Variants in KCNH1 observed in about 807,000 individuals in gnomAD.
KCNH1 encodes voltage-gated delayed rectifier potassium channel KCNH1.
A neutral mutation model predicts 69.2 loss-of-function variants in KCNH1; 27 were observed. The ratio of observed to expected loss-of-function variants is 0.39; its 90% confidence interval spans 0.29 to 0.54. KCNH1 has a LOEUF of 0.54. Ranked by LOEUF, KCNH1 falls within the 20% of genes least tolerant of loss-of-function variation. The probability of loss-of-function intolerance (pLI) is 0.68; values close to 1 mark genes in which losing one functional copy is unlikely to be tolerated. For missense variants in KCNH1, 798 were observed against 1,261.6 expected, an observed-to-expected ratio of 0.63 and a Z score of 5.57; for synonymous variants, 456 against 487.7, an observed-to-expected ratio of 0.93 and a Z score of 0.86.
Position 211,113,965 on chromosome 1 carries a change from C to A in KCNH1, c.80-6588G>T, listed in dbSNP as rs11579201. Among the ~76,000 whole-genome samples, 665 of 133,228 alleles carry A rather than the reference C, an allele frequency of 5.0e-3. 11 individuals carry two copies. The highest frequency in any genetic ancestry group is 0.016 in the African/African-American group (642 of 38,930). The allele number at this position is 133,228 out of a possible 152,430, so 87.4% of individuals were successfully genotyped here. On this transcript the variant is annotated intron_variant, in intron 1 of 10. Coordinates refer to ENST00000271751, the MANE Select transcript of KCNH1 (RefSeq NM_172362.3). ...TCTCTCTCTCTCTGTCTCTCTCTCT[C>A]TCTCTCTCTCACACACACACACACA...
intron 5 of KCNH1, among the ~76,000 whole-genome samples, chr1:211,058,954 G>A (rs1218914315): frequency 2.0e-5 from 3 of 152,120 alleles, no homozygotes; most frequent in African/African-American, 7.2e-5. Flanking sequence ...ACTTATATCG[G>A]ACTAAATAGA....
chr1:210,714,982 C>A (rs144710326), intron 10 of KCNH1, among the ~76,000 whole-genome samples: 2 of 152,312 alleles, frequency 1.3e-5, no homozygotes, highest in African/African-American at 4.8e-5. Flanking sequence ...CTGACCGGCA[C>A]AGACTACCCA....
chr1:210,836,124 A>T (rs909182683), intron 7 of KCNH1, among the ~76,000 whole-genome samples: 1 of 151,520 alleles, frequency 6.6e-6, no homozygotes, highest in Non-Finnish European at 1.5e-5. Flanking sequence ...AAAAAAAAAA[A>T]AAAAAAAAAT....
intron 5 of KCNH1, among the ~76,000 whole-genome samples, chr1:211,069,431 G>T (rs965719173): frequency 8.5e-5 from 13 of 152,130 alleles, no homozygotes; most frequent in Non-Finnish European, 1.5e-4. Flanking sequence ...CCCAGGTATG[G>T]CAGGGATGTT....
At chr1:210,712,294 G>A (rs1682097851) in intron 10 of KCNH1, among the ~76,000 whole-genome samples, 1 of 152,124 alleles carries the variant, frequency 6.6e-6, no homozygotes, top group African/African-American at 2.4e-5. Flanking sequence ...CATAAAACAA[G>A]GCAAGGGTCA....
chr1:211,068,088 G>T (rs374707561), intron 5 of KCNH1, among the ~76,000 whole-genome samples: 1 of 152,316 alleles, frequency 6.6e-6, no homozygotes, highest in Non-Finnish European at 1.5e-5. Flanking sequence ...GAGATAAACC[G>T]GCTTTGAAAA....
At chr1:210,874,439 A>T (rs1047266325) in intron 7 of KCNH1, among the ~76,000 whole-genome samples, 1 of 152,250 alleles carries the variant, frequency 6.6e-6, no homozygotes, top group Admixed American at 6.5e-5. Flanking sequence ...CAATATTAGA[A>T]AATCTGGCAA....
At chr1:210,899,777 T>C (rs1031060043) in intron 7 of KCNH1, among the ~76,000 whole-genome samples, 1 of 152,206 alleles carries the variant, frequency 6.6e-6, no homozygotes, top group African/African-American at 2.4e-5. Flanking sequence ...ATGAGGAGAA[T>C]GAGCCTCAGA....
intron 5 of KCNH1, among the ~76,000 whole-genome samples, chr1:211,036,596 A>G (rs1571597174): frequency 1.3e-5 from 2 of 152,292 alleles, no homozygotes; most frequent in Non-Finnish European, 2.9e-5. Context: ...AATGCATAGG[A>G]TACAGACCTT....
intron 5 of KCNH1, among the ~76,000 whole-genome samples, chr1:211,020,065 T>C (rs571411287): frequency 9.9e-5 from 15 of 150,992 alleles, no homozygotes; most frequent in Non-Finnish European, 1.9e-4. Context: ...AGATTTTAAA[T>C]AAACAACCTA....
At position 210,683,542 on chromosome 1, in the gene KCNH1, C is replaced by G. The variant is rs1244336812; in HGVS notation, c.2709G>C (p.Arg903=). The G allele has an allele frequency of 4.3e-6, 7 of 1,614,128 alleles. No individual in the cohort carries two copies. In the South Asian group the frequency reaches 6.6e-5, roughly 15 times the overall value. ...GCTTGACCTCTGCCAGGATGGGACT[C>G]CGATCCTGGGGACTCCTGGCCTCAC... ...NVGEARSPQD[R]SPILAEVKHS... is the part of the protein sequence containing the mutation. Residue 903 remains arginine (R), a synonymous_variant, in exon 11 of 11, where the codon CGG becomes CGC. Coordinates refer to ENST00000271751, the MANE Select transcript of KCNH1 (RefSeq NM_172362.3). The surrounding 1 kb of genome is among the most constrained non-coding windows in gnomAD (Gnocchi z 5.7).
intron 6 of KCNH1, among the ~76,000 whole-genome samples, chr1:210,969,478 C>T (rs1688472879): frequency 6.6e-6 from 1 of 151,972 alleles, no homozygotes. Flanking sequence ...AATTATAGGG[C>T]AATAAGTTTT....
At chr1:210,788,686 T>C (rs1232321777) in intron 9 of KCNH1, among the ~76,000 whole-genome samples, 1 of 6,460 alleles carries the variant, frequency 1.5e-4, no homozygotes, top group South Asian at 2.2e-3. Flanking sequence ...AGCTTCTTTC[T>C]TTTTTTTTTT....
chr1:211,080,177 GACAA>G (rs1390059840), intron 5 of KCNH1, among the ~76,000 whole-genome samples: 4 of 152,196 alleles, frequency 2.6e-5, no homozygotes, highest in Admixed American at 6.5e-5. Context: ...ACCAATAATA[GACAA>G]ACAGAGAGCC....
chr1:211,069,478 T>G (rs1445770057), intron 5 of KCNH1, among the ~76,000 whole-genome samples: 1 of 149,698 alleles, frequency 6.7e-6, no homozygotes, highest in East Asian at 2.0e-4. Context: ...CAACTATGAT[T>G]AATTTTTTAA....
At chr1:210,753,274 A>T (rs905460043) in intron 10 of KCNH1, among the ~76,000 whole-genome samples, 4 of 152,240 alleles carry the variant, frequency 2.6e-5, no homozygotes, top group Admixed American at 2.6e-4. Flanking sequence ...AGTAGCCACC[A>T]ATATGATGGT....
intron 7 of KCNH1, among the ~76,000 whole-genome samples, chr1:210,846,963 A>C (rs960442460): frequency 6.6e-6 from 1 of 152,234 alleles, no homozygotes; most frequent in African/African-American, 2.4e-5. Flanking sequence ...TATGCAGACA[A>C]AAAACACGTG....
chr1:210,907,675 G>A (rs1463157506), intron 7 of KCNH1, among the ~76,000 whole-genome samples: 1 of 152,198 alleles, frequency 6.6e-6, no homozygotes, highest in East Asian at 1.9e-4. Context: ...TTCTGCATGT[G>A]TCTATGGGTG....
chr1:210,718,519 G>T (rs60807204), intron 10 of KCNH1, among the ~76,000 whole-genome samples: 40 of 21,590 alleles, frequency 1.9e-3, no homozygotes, highest in Admixed American at 4.2e-3. Context: ...ATACATATAT[G>T]TATATATATA....
Sources: gnomAD v4.1 joint callset for allele counts (sites outside exome capture counted in the v4.1 genomes callset) on GRCh38, gnomAD v4.1.1 for gene constraint, Gnocchi (gnomAD v3.1) non-coding constraint, MANE v1.5 for transcripts, NCBI Gene and HGNC (gene_info 2026-07-23, HGNC 2026-07-21) for gene names.